The following COL23A1 variants were observed in gnomAD, a reference collection of about 807,000 sequenced individuals.
COL23A1 encodes the protein collagen alpha-1(XXIII) chain.
COL23A1 carries 97 observed loss-of-function variants against 99.3 expected under a neutral mutation model. The observed-to-expected ratio is 0.98, with a 90% CI of 0.83 to 1.16. The LOEUF is 1.16. Ranked by LOEUF, COL23A1 falls within the 50% of genes most tolerant of loss-of-function variation. COL23A1 has a pLI of 0.00. For synonymous variants in COL23A1, 320 were observed against 308.2 expected (o/e 1.04, Z -0.40); for missense variants, 762 against 757.4 (o/e 1.01, Z -0.07).
At chr5:178,499,932 G>C (rs1758430495) in intron 2 of COL23A1, among the ~76,000 whole-genome samples, 1 of 152,168 alleles carries the variant, frequency 6.6e-6, no homozygotes, top group African/African-American at 2.4e-5. Context: ...TAATTACGCT[G>C]AATGAAAGAA....
chr5:178,263,359 G>C, intron 8 of COL23A1, 35 bp from the exon 9 acceptor site: 1 of 1,350,704 alleles, frequency 7.4e-7, no homozygotes, highest in Non-Finnish European at 1.0e-6. Context: ...ACTCTGAGGG[G>C]GAGGGGGTCC....
intron 2 of COL23A1, chr5:178,345,351 C>T (rs1243915388): frequency 2.0e-6 from 1 of 508,352 alleles, no homozygotes; most frequent in Non-Finnish European, 3.7e-6. Context: ...ATTTTTTTCC[C>T]TGAGCAAGGG....
intron 2 of COL23A1, among the ~76,000 whole-genome samples, chr5:178,431,115 T>C (rs1271870391): frequency 6.6e-6 from 1 of 152,034 alleles, no homozygotes; most frequent in African/African-American, 2.4e-5. Context: ...CGCCAGCTTA[T>C]GGGATGGCAA....
chr5:178,258,262 T>TATATATATAC lies in COL23A1; in HGVS notation c.730-696_730-695insGTATATATAT. ...ATATATATATATATATATATATATA[T>TATATATATAC]ACACATGCAAATCAATTCTAGGCAC... On this transcript the variant is annotated intron_variant, in intron 12 of 28. Coordinates refer to ENST00000390654, the MANE Select transcript of COL23A1 (RefSeq NM_173465.4). 2.8e-4 allele frequency among the ~76,000 whole-genome samples: 29 copies of TATATATATAC among 104,118 alleles called. 2 individuals are homozygous for TATATATATAC. The highest frequency in any genetic ancestry group is 2.0e-3 in the East Asian group (8 of 4,026). The allele number at this position is 104,118 out of a possible 152,430, so 68.3% of individuals were successfully genotyped here.
rs185093373 is a variant in COL23A1, at chr5:178,530,563, T to G, written c.361+30119A>C. On this transcript the variant is annotated intron_variant, in intron 2 of 28. Transcript: ENST00000390654. ...AGTGACACAGTGATACTGCATGGCT[T>G]CCCGGGCCACTTAGGAAAGGCGATG... Among the ~76,000 whole-genome samples, 12 of 152,308 alleles carry G rather than the reference T, an allele frequency of 7.9e-5. No homozygotes were observed. In the East Asian group the frequency reaches 2.3e-3, roughly 29 times the overall value.
chr5:178,500,632 A>G (rs191881251), intron 2 of COL23A1, among the ~76,000 whole-genome samples: 46 of 150,918 alleles, frequency 3.0e-4, no homozygotes, highest in African/African-American at 1.1e-3. Flanking sequence ...AAAAAACAAC[A>G]AAACCCAGAA....
chr5:178,414,255 A>G (rs1765187919), intron 2 of COL23A1, among the ~76,000 whole-genome samples: 1 of 152,170 alleles, frequency 6.6e-6, no homozygotes, highest in African/African-American at 2.4e-5. Flanking sequence ...CAGTGCTGTA[A>G]ATGAGTATCT....
intron 2 of COL23A1, among the ~76,000 whole-genome samples, chr5:178,446,435 G>A (rs575409346): frequency 1.8e-4 from 28 of 151,954 alleles, no homozygotes; most frequent in Middle Eastern, 3.2e-3. Flanking sequence ...AATATTACCA[G>A]TGTTTATCAC....
intron 2 of COL23A1, among the ~76,000 whole-genome samples, chr5:178,451,656 C>CAAAAAAAA (rs5873614): frequency 9.5e-6 from 1 of 105,586 alleles, no homozygotes; most frequent in Non-Finnish European, 1.8e-5. Flanking sequence ...AACTCCATCT[C>CAAAAAAAA]AAAAAAAAAA....
chr5:178,467,941 C>G (rs73803413), intron 2 of COL23A1, among the ~76,000 whole-genome samples: 3,486 of 152,210 alleles, frequency 0.023, 160 homozygotes, highest in African/African-American at 0.079. Flanking sequence ...GAGGCGTTAG[C>G]GACACACGGG....
At chr5:178,518,825 G>A (rs1273542458) in intron 2 of COL23A1, among the ~76,000 whole-genome samples, 3 of 147,920 alleles carry the variant, frequency 2.0e-5, no homozygotes, top group East Asian at 2.0e-4. Context: ...CGCGGGGCCC[G>A]TCCGCTCCTC....
At chr5:178,362,772 G>A (rs926697714) in intron 2 of COL23A1, among the ~76,000 whole-genome samples, 1 of 152,162 alleles carries the variant, frequency 6.6e-6, no homozygotes, top group Non-Finnish European at 1.5e-5. Flanking sequence ...AGGTGAAGCC[G>A]GCACAGAGGA....
chr5:178,355,401 C>T (rs1482893759), intron 2 of COL23A1, among the ~76,000 whole-genome samples: 1 of 152,168 alleles, frequency 6.6e-6, no homozygotes, highest in Non-Finnish European at 1.5e-5. Context: ...CAACGCTATA[C>T]AGATATGGAA....
chr5:178,477,965 G>A (rs2127947178), intron 2 of COL23A1, among the ~76,000 whole-genome samples: 1 of 152,316 alleles, frequency 6.6e-6, no homozygotes, highest in East Asian at 1.9e-4. Flanking sequence ...AGTTATCAGA[G>A]AGGCAGCCTC....
At chr5:178,458,364 G>A (rs956957488) in intron 2 of COL23A1, among the ~76,000 whole-genome samples, 33 of 152,136 alleles carry the variant, frequency 2.2e-4, no homozygotes, top group African/African-American at 6.8e-4. Flanking sequence ...TAACAGAGCC[G>A]GGCACGGTGG....
At chr5:178,523,130 G>T (rs1309449545) in intron 2 of COL23A1, among the ~76,000 whole-genome samples, 1 of 134,726 alleles carries the variant, frequency 7.4e-6, no homozygotes, top group African/African-American at 2.8e-5. Context: ...ATGAAACTCT[G>T]TCTCTATTTA....
intron 2 of COL23A1, among the ~76,000 whole-genome samples, chr5:178,320,724 T>G (rs1380694024): frequency 6.6e-6 from 1 of 152,236 alleles, no homozygotes; most frequent in African/African-American, 2.4e-5. Context: ...GGGCCAGGGC[T>G]GAGGCCCGGC....
Position 178,428,403 on chromosome 5 carries a change from A to G in COL23A1, c.362-121484T>C, listed in dbSNP as rs1164386875. On this transcript the variant is annotated intron_variant, in intron 2 of 28. Coordinates refer to ENST00000390654, the MANE Select transcript of COL23A1 (RefSeq NM_173465.4). This position sits in a 1 kb window ranked among gnomAD's most constrained non-coding sequence, Gnocchi z 5.0. ...CCTTCCTGGATCAAAACCTACCAAG[A>G]TAACAGGGAACCAGGGGCAGCTTCC... 6.6e-6 allele frequency among the ~76,000 whole-genome samples: 1 copy of G among 152,200 alleles called. No individual in the cohort carries two copies.
At chr5:178,381,936 T>C (rs376457654) in intron 2 of COL23A1, among the ~76,000 whole-genome samples, 147 of 152,344 alleles carry the variant, frequency 9.6e-4, no homozygotes, top group African/African-American at 3.1e-3. Context: ...ACACCCAGCA[T>C]TGCCTGGAAT....
Sources: allele counts gnomAD v4.1 joint callset (sites outside exome capture counted in the v4.1 genomes callset), GRCh38; gene constraint gnomAD v4.1.1; non-coding constraint Gnocchi (gnomAD v3.1); transcripts MANE v1.5; gene names NCBI Gene and HGNC (gene_info 2026-07-23, HGNC 2026-07-21).